Variants in SLC23A2 observed in about 807,000 individuals in gnomAD.
The protein encoded by SLC23A2 is solute carrier family 23 member 2, also known as Na(+)/L-ascorbic acid transporter 2.
Under a neutral mutation model 73.3 loss-of-function variants are expected in SLC23A2, and 36 were observed. The ratio of observed to expected loss-of-function variants is 0.49; its 90% confidence interval spans 0.38 to 0.65. The LOEUF (loss-of-function observed/expected upper bound fraction) is 0.65, where lower values mean the gene tolerates loss of function less well. SLC23A2 is among the 30% of genes least tolerant of loss of function. The probability of loss-of-function intolerance (pLI) is 0.00; values close to 1 mark genes in which losing one functional copy is unlikely to be tolerated. For synonymous variants in SLC23A2, 343 were observed against 327.3 expected (o/e 1.05, Z -0.52); for missense variants, 507 against 841.6 (o/e 0.60, Z 4.92).
intron 6 of SLC23A2, among the ~76,000 whole-genome samples, chr20:4,887,117 G>A (rs1243285058): frequency 2.6e-5 from 4 of 152,178 alleles, no homozygotes; most frequent in African/African-American, 4.8e-5. Context: ...AGGCACAGAC[G>A]CAGGCTACAC....
At chr20:4,896,741 T>C (rs1186116983) in intron 6 of SLC23A2, among the ~76,000 whole-genome samples, 1 of 152,116 alleles carries the variant, frequency 6.6e-6, no homozygotes, top group East Asian at 1.9e-4. Flanking sequence ...CCTGGGATGG[T>C]CCTCACCCCC....
chr20:4,889,463 T>C (rs1349983878), intron 6 of SLC23A2, among the ~76,000 whole-genome samples: 1 of 151,882 alleles, frequency 6.6e-6, no homozygotes, highest in Non-Finnish European at 1.5e-5. Context: ...GTAGGAGAAC[T>C]GGGAGAGGTG....
chr20:4,932,645 C>A lies in SLC23A2; in HGVS notation c.-83G>T. ...ATTCAAGCTAGGAGCCCAGGATCAG[C>A]CGGCTCTTCTAGTGCCTGGAGCCCC... On this transcript the variant is annotated 5_prime_UTR_variant, in exon 3 of 17. Coordinates refer to ENST00000338244, the MANE Select transcript of SLC23A2 (RefSeq NM_005116.6). The A allele has an allele frequency of 1.2e-6, 1 of 806,220 alleles. No homozygotes were observed. The highest frequency in any genetic ancestry group is 1.4e-5 in the South Asian group (1 of 71,858). The allele number at this position is 806,220 out of a possible 1,614,324, so 49.9% of individuals were successfully genotyped here.
chr20:4,944,159 GT>G (rs1209326038), intron 2 of SLC23A2, among the ~76,000 whole-genome samples: 1 of 152,154 alleles, frequency 6.6e-6, no homozygotes, highest in Non-Finnish European at 1.5e-5. Context: ...AAAAAACCCT[GT>G]AATCCCACCA....
intron 1 of SLC23A2, among the ~76,000 whole-genome samples, chr20:4,996,702 A>C (rs1460245414): frequency 1.4e-5 from 2 of 145,598 alleles, no homozygotes; most frequent in Non-Finnish European, 3.0e-5. Flanking sequence ...AAAAAAAAAA[A>C]AAAAAAACAA....
At chr20:4,938,203 G>C (rs2086990020) in intron 2 of SLC23A2, among the ~76,000 whole-genome samples, 1 of 151,680 alleles carries the variant, frequency 6.6e-6, no homozygotes, top group African/African-American at 2.4e-5. Context: ...AGTTTTTGTA[G>C]AGATGAGGTT....
intron 1 of SLC23A2, among the ~76,000 whole-genome samples, chr20:4,983,009 G>C (rs2087750659): frequency 6.6e-6 from 1 of 152,052 alleles, no homozygotes; most frequent in African/African-American, 2.4e-5. Context: ...GGAGGCTGAG[G>C]CAGGAGAATC....
chr20:4,985,449 CA>C (rs2122292941), intron 1 of SLC23A2, among the ~76,000 whole-genome samples: 1 of 145,676 alleles, frequency 6.9e-6, no homozygotes, highest in East Asian at 1.9e-4. Context: ...CAAAAAACCA[CA>C]TTTTTTTTTT....
chr20:4,918,934 C>A (rs1003815169), intron 3 of SLC23A2, among the ~76,000 whole-genome samples: 1 of 152,178 alleles, frequency 6.6e-6, no homozygotes, highest in African/African-American at 2.4e-5. Context: ...TGTGTGCACA[C>A]ACCGTTATTT....
chr20:4,970,570 GA>G (rs201774139), intron 2 of SLC23A2, among the ~76,000 whole-genome samples: 7 of 151,280 alleles, frequency 4.6e-5, no homozygotes, highest in Admixed American at 4.0e-4. Flanking sequence ...CCATCTCTAA[GA>G]AAAAAAAATT....
intron 6 of SLC23A2, among the ~76,000 whole-genome samples, chr20:4,886,275 T>C (rs1176711757): frequency 6.6e-6 from 1 of 152,200 alleles, no homozygotes; most frequent in Non-Finnish European, 1.5e-5. Context: ...TAAACATCAG[T>C]GTATTTCTGC....
At chr20:4,961,794 A>T (rs1383559665) in intron 2 of SLC23A2, among the ~76,000 whole-genome samples, 1 of 152,176 alleles carries the variant, frequency 6.6e-6, no homozygotes, top group Non-Finnish European at 1.5e-5. Context: ...TGAAAACACA[A>T]ACATATCCCC....
chr20:4,987,331 C>T (rs975216911), intron 1 of SLC23A2, among the ~76,000 whole-genome samples: 1 of 152,142 alleles, frequency 6.6e-6, no homozygotes, highest in East Asian at 1.9e-4. Context: ...ACAGAAGATG[C>T]GAGCAGCTGC....
In SLC23A2 at chr20:4,895,164, C is replaced by T. The variant is rs116169675; in HGVS notation, c.482+4391G>A. Among the ~76,000 whole-genome samples, 1,225 of 152,322 alleles carry T rather than the reference C, an allele frequency of 8.0e-3. 18 individuals are homozygous for T. The highest frequency in any genetic ancestry group is 0.028 in the African/African-American group (1,161 of 41,554). On this transcript the variant is annotated intron_variant, in intron 6 of 16. Coordinates refer to ENST00000338244, the MANE Select transcript of SLC23A2 (RefSeq NM_005116.6). Reference sequence around the variant, plus strand: ...CACTGTGTCTTAGAAATCACGAAAGCTGGACACGAAAAACTTTTCCTTCTG... The same window carrying T: ...CACTGTGTCTTAGAAATCACGAAAGTTGGACACGAAAAACTTTTCCTTCTG...
Position 4,863,397 on chromosome 20 carries a change from G to A in SLC23A2, c.1357-490C>T, listed in dbSNP as rs971829077. 1.3e-5 allele frequency among the ~76,000 whole-genome samples: 2 copies of A among 152,228 alleles called. No homozygotes were observed. Among genetic ancestry groups the A allele is most frequent in the East Asian group, 1.9e-4 (1 of 5,202 alleles). ...ATGAGGACATCTGGAGCCTGACTGC[G>A]GGCTCTTCTCCTGGCCCACGTCTGA... On this transcript the variant is annotated intron_variant, in intron 13 of 16. Transcript: ENST00000338244. This position sits in a 1 kb window ranked among gnomAD's most constrained non-coding sequence, Gnocchi z 4.8.
In SLC23A2 at chr20:4,899,191, A is replaced by G. The variant is rs1715378; in HGVS notation, c.482+364T>C. Reference sequence around the variant, plus strand: ...TGGGGCACAAAGTGAGTCCAAGAGCAGTGCCCTGGAGGCAGGGAAGCCAAC... The same window carrying G: ...TGGGGCACAAAGTGAGTCCAAGAGCGGTGCCCTGGAGGCAGGGAAGCCAAC... On this transcript the variant is annotated intron_variant, in intron 6 of 16. Coordinates refer to ENST00000338244, the MANE Select transcript of SLC23A2 (RefSeq NM_005116.6). The surrounding 1 kb of genome is among the most constrained non-coding windows in gnomAD (Gnocchi z 4.9). Among the ~76,000 whole-genome samples, 123,511 of 152,150 alleles carry G rather than the reference A, an allele frequency of 0.81. 50,326 individuals are homozygous for G. The highest frequency in any genetic ancestry group is 0.83 in the Non-Finnish European group (56,357 of 67,998).
intron 2 of SLC23A2, among the ~76,000 whole-genome samples, chr20:4,934,370 T>C (rs1448453942): frequency 2.6e-5 from 4 of 152,030 alleles, no homozygotes; most frequent in Admixed American, 2.6e-4. Flanking sequence ...CACCAAGATT[T>C]CAGGAGGGCT....
chr20:4,889,126 C>T (rs1469942094), intron 6 of SLC23A2, among the ~76,000 whole-genome samples: 2 of 152,210 alleles, frequency 1.3e-5, no homozygotes, highest in Non-Finnish European at 2.9e-5. Context: ...AGACACTAAT[C>T]ATGGTCACAT....
At chr20:4,904,166 C>G (rs550573036) in intron 4 of SLC23A2, among the ~76,000 whole-genome samples, 6 of 152,314 alleles carry the variant, frequency 3.9e-5, no homozygotes, top group African/African-American at 1.2e-4. Flanking sequence ...CTTGGCCACA[C>G]AGTGTCAGCT....
Sources: gnomAD v4.1 joint callset for allele counts (sites outside exome capture counted in the v4.1 genomes callset) on GRCh38, gnomAD v4.1.1 for gene constraint, Gnocchi (gnomAD v3.1) non-coding constraint, MANE v1.5 for transcripts, NCBI Gene and HGNC (gene_info 2026-07-23, HGNC 2026-07-21) for gene names.